EPHA6: variants seen among roughly 807,000 people sequenced by gnomAD.
EPHA6 encodes the protein ephrin type-A receptor 6.
EPHA6 carries 50 observed loss-of-function variants against 112.0 expected under a neutral mutation model. That is an observed-to-expected ratio of 0.45 (90% CI 0.36 to 0.56). The LOEUF is 0.56. EPHA6 is among the 20% of genes least tolerant of loss of function. The pLI is 0.00. For missense variants in EPHA6, 1,280 were observed against 1,417.4 expected (o/e 0.90, Z 1.56); for synonymous variants, 529 against 490.7 (o/e 1.08, Z -1.03).
At chr3:97,153,388 C>T (rs1044144502) in intron 3 of EPHA6, among the ~76,000 whole-genome samples, 4 of 152,082 alleles carry the variant, frequency 2.6e-5, no homozygotes, top group Admixed American at 6.6e-5. Flanking sequence ...AATGAAATTA[C>T]TCCTTGTCAT....
At chr3:97,242,956 C>T (rs2108579487) in intron 4 of EPHA6, among the ~76,000 whole-genome samples, 1 of 151,854 alleles carries the variant, frequency 6.6e-6, no homozygotes, top group Middle Eastern at 3.4e-3. Flanking sequence ...TAGTACTTAG[C>T]ATAGTGTCTG....
intron 5 of EPHA6, among the ~76,000 whole-genome samples, chr3:97,376,234 TATCTC>T (rs545949011): frequency 6.6e-6 from 1 of 152,202 alleles, no homozygotes; most frequent in South Asian, 2.1e-4. Context: ...AGTAGAGAGT[TATCTC>T]ATGATAAATA....
chr3:97,329,086 G>T (rs962287189), intron 5 of EPHA6, among the ~76,000 whole-genome samples: 3 of 150,998 alleles, frequency 2.0e-5, no homozygotes, highest in Non-Finnish European at 4.4e-5. Flanking sequence ...TTGTCCTTGC[G>T]ATAGTTTGCT....
At chr3:97,178,105 T>G (rs2076888195) in intron 3 of EPHA6, among the ~76,000 whole-genome samples, 1 of 152,102 alleles carries the variant, frequency 6.6e-6, no homozygotes, top group Non-Finnish European at 1.5e-5. Flanking sequence ...GCTTTTTGTT[T>G]TTATGTTTTT....
intron 14 of EPHA6, among the ~76,000 whole-genome samples, chr3:97,680,087 T>A (rs1202922921): frequency 6.6e-6 from 1 of 152,022 alleles, no homozygotes; most frequent in Non-Finnish European, 1.5e-5. Flanking sequence ...TCTTATAGAG[T>A]TTTAATGAAA....
At position 97,724,419 on chromosome 3, in the gene EPHA6, A is replaced by G. The variant is rs545944619; in HGVS notation, c.2934+4009A>G. On this transcript the variant is annotated intron_variant, in intron 15 of 17. Transcript: ENST00000389672. The stretch of plus-strand genomic sequence containing the variant: ...CTGCTTAGCCATTCAGCAGTTAAGC[A>G]TGCGCCAGTCATTAGACCAAATGTG... Among the ~76,000 whole-genome samples the G allele has an allele frequency of 3.9e-5, 6 of 152,272 alleles. No homozygotes were observed. In the East Asian group the frequency reaches 7.7e-4, roughly 20 times the overall value.
chr3:97,007,622 T>C (rs1383616434), intron 3 of EPHA6, among the ~76,000 whole-genome samples: 2 of 152,204 alleles, frequency 1.3e-5, no homozygotes, highest in African/African-American at 4.8e-5. Context: ...GTTAGTATTA[T>C]GTGTGAATTT....
intron 3 of EPHA6, among the ~76,000 whole-genome samples, chr3:97,077,423 G>A (rs1177647403): frequency 6.6e-6 from 1 of 152,042 alleles, no homozygotes; most frequent in Non-Finnish European, 1.5e-5. Flanking sequence ...AAGTTCTAGG[G>A]TACATGTGCA....
chr3:97,654,886 T>A (rs2107616940), intron 14 of EPHA6, among the ~76,000 whole-genome samples: 1 of 151,690 alleles, frequency 6.6e-6, no homozygotes, highest in East Asian at 2.0e-4. Context: ...TGACATATGA[T>A]TTGTGTTCTA....
chr3:97,050,631 T>G lies in EPHA6; in HGVS notation c.1114+62638T>G, dbSNP rs1245526448. ...AACAGAGGTAAGGAAATAGAGTTCA[T>G]GATTTCTATGTTATTCTCCAATTCT... On this transcript the variant is annotated intron_variant, in intron 3 of 17. Coordinates refer to ENST00000389672, the MANE Select transcript of EPHA6 (RefSeq NM_001080448.3). Among the ~76,000 whole-genome samples the G allele has an allele frequency of 3.9e-5, 6 of 152,332 alleles. No homozygotes were observed. In the East Asian group the frequency reaches 9.6e-4, roughly 24 times the overall value.
At chr3:97,058,287 G>GTTT (rs1010464614) in intron 3 of EPHA6, among the ~76,000 whole-genome samples, 16 of 149,084 alleles carry the variant, frequency 1.1e-4, no homozygotes, top group Admixed American at 1.3e-4. Context: ...AGAGTAAGGA[G>GTTT]TTTTTTTTTT....
At chr3:96,959,278 A>G (rs1385655018) in intron 2 of EPHA6, among the ~76,000 whole-genome samples, 1 of 152,172 alleles carries the variant, frequency 6.6e-6, no homozygotes, top group African/African-American at 2.4e-5. Context: ...ATAGCTTTTC[A>G]TATGTTTATT....
chr3:97,028,743 T>C (rs2044724376), intron 3 of EPHA6, among the ~76,000 whole-genome samples: 1 of 151,998 alleles, frequency 6.6e-6, no homozygotes, highest in African/African-American at 2.4e-5. Flanking sequence ...TAATTAAAAA[T>C]GGTATAAGTG....
chr3:97,707,196 C>G lies in EPHA6; in HGVS notation c.2785-13065C>G, dbSNP rs967575815. On this transcript the variant is annotated intron_variant, in intron 14 of 17. Coordinates refer to ENST00000389672, the MANE Select transcript of EPHA6 (RefSeq NM_001080448.3). ...CTGAGACTGTGCCTTTCATTTTACA[C>G]CACTTTCCTAATTCATCCCAAGTCA... is the stretch of plus-strand genomic sequence containing the variant. Among the ~76,000 whole-genome samples, 12 of 152,254 alleles carry G rather than the reference C, an allele frequency of 7.9e-5. No individual in the cohort carries two copies. The East Asian group carries it at 1.7e-3, about 22-fold the overall frequency.
chr3:97,602,605 A>C (rs900645627), intron 12 of EPHA6, among the ~76,000 whole-genome samples: 3 of 152,104 alleles, frequency 2.0e-5, no homozygotes, highest in Non-Finnish European at 4.4e-5. Flanking sequence ...TTAAACTCTC[A>C]GTGCATCAGT....
chr3:97,125,958 GGC>G (rs755793737), intron 3 of EPHA6, among the ~76,000 whole-genome samples: 12 of 152,118 alleles, frequency 7.9e-5, no homozygotes, highest in Admixed American at 4.6e-4. Context: ...TTCGATCAGA[GGC>G]ACACATCCCA....
intron 11 of EPHA6, among the ~76,000 whole-genome samples, chr3:97,572,300 G>A (rs941990340): frequency 1.3e-5 from 2 of 151,726 alleles, no homozygotes; most frequent in Non-Finnish European, 2.9e-5. Context: ...ACAGGCGCCC[G>A]CCACCACACC....
intron 10 of EPHA6, among the ~76,000 whole-genome samples, chr3:97,527,157 A>G (rs1202902257): frequency 2.0e-5 from 3 of 152,178 alleles, no homozygotes; most frequent in African/African-American, 4.8e-5. Flanking sequence ...ACTAATGTGC[A>G]TGATTCCTCC....
chr3:97,479,524 A>G (rs1433214716), intron 9 of EPHA6, among the ~76,000 whole-genome samples, 160 bp downstream of exon 9: 1 of 152,170 alleles, frequency 6.6e-6, no homozygotes, highest in South Asian at 2.1e-4. Context: ...TTTGTTGGTG[A>G]AAGTTGCACC....
Sources: gnomAD v4.1 joint callset for allele counts (sites outside exome capture counted in the v4.1 genomes callset) on GRCh38, gnomAD v4.1.1 for gene constraint, MANE v1.5 for transcripts, NCBI Gene and HGNC (gene_info 2026-07-23, HGNC 2026-07-21) for gene names.